MEGF8: variants seen among roughly 807,000 people sequenced by gnomAD.
MEGF8 encodes multiple EGF like domains 8, also known as multiple epidermal growth factor-like domains protein 8.
In MEGF8, 156 loss-of-function variants were observed where a neutral mutation model predicts 302.9. The observed-to-expected ratio is 0.52, with a 90% confidence interval of 0.45 to 0.59. The LOEUF is 0.59. MEGF8 is among the 20% of genes least tolerant of loss of function. MEGF8 has a pLI of 0.00. For missense variants in MEGF8, 3,345 were observed against 3,964.5 expected, an observed-to-expected ratio of 0.84 and a Z score of 4.20; for synonymous variants, 1,621 against 1,660.5, an observed-to-expected ratio of 0.98 and a Z score of 0.58.
intron 35 of MEGF8, among the ~76,000 whole-genome samples, chr19:42,365,772 T>TAAA (rs771190592): frequency 3.5e-5 from 2 of 57,652 alleles, no homozygotes. Flanking sequence ...ACCCCGTCTC[T>TAAA]AAAAAAAAAA....
At chr19:42,345,169 A>G (rs1437761004) in intron 12 of MEGF8, among the ~76,000 whole-genome samples, 1 of 152,130 alleles carries the variant, frequency 6.6e-6, no homozygotes, top group Non-Finnish European at 1.5e-5. Context: ...ACGAAGTTTC[A>G]CCATGTTGGT....
rs1447066779 is a variant in MEGF8, at chr19:42,350,287, A to G, written c.2639A>G (p.His880Arg). 2 of 1,610,216 alleles carry G rather than the reference A, an allele frequency of 1.2e-6. No individual in the cohort carries two copies. The highest frequency in any genetic ancestry group is 4.5e-5 in the East Asian group (2 of 44,894). The change falls in exon 15 of 42, where the codon CAT becomes CGT. Residue 880 changes from histidine (H) to arginine (R), a missense_variant. Coordinates refer to ENST00000251268, the MANE Select transcript of MEGF8 (RefSeq NM_001271938.2). Reference sequence around the variant, plus strand: ...TGCCACCTGCGCCAGGGCGGAGCCCATTGCGGGGATGACGGGGCTGGTGGG... The same window carrying G: ...TGCCACCTGCGCCAGGGCGGAGCCCGTTGCGGGGATGACGGGGCTGGTGGG... The part of the protein sequence containing the change: ...ATCHLRQGGA[H>R]CGDDGAGGSL...
chr19:42,341,442 A>C (rs2039213020), intron 8 of MEGF8, among the ~76,000 whole-genome samples: 1 of 151,648 alleles, frequency 6.6e-6, no homozygotes, highest in Admixed American at 6.6e-5. Context: ...AAAAAAAAAA[A>C]AAAAAAAACA....
At position 42,355,766 on chromosome 19, in the gene MEGF8, G is replaced by C. The variant is rs369352974; in HGVS notation, c.4153G>C (p.Val1385Leu). ...GGCCTCTCTCTTCACAGGGCTGCTC[G>C]TGCTGCACTGGGAGGCCAATGGCTC... ...LTVQALSGLL[V>L]LHWEANGSSS... Residue 1385 changes from valine (V) to leucine (L), a missense_variant, in exon 24 of 42, where the codon GTG becomes CTG. Physicochemically the swap from Val to Leu is conservative, Grantham distance 32. Coordinates refer to ENST00000251268, the MANE Select transcript of MEGF8 (RefSeq NM_001271938.2). 1.3e-6 allele frequency: 2 copies of C among 1,579,694 alleles called. No homozygotes were observed. The highest frequency in any genetic ancestry group is 8.6e-7 in the Non-Finnish European group (1 of 1,161,666).
Position 42,377,016 on chromosome 19 carries a change from T to C in MEGF8, c.*241T>C. On this transcript the variant is annotated 3_prime_UTR_variant, in exon 42 of 42. Transcript: ENST00000251268. Reference sequence around the variant, plus strand: ...GCAGGAACCAAGAGACGAGGTTCCCTGATCTCATGGGACTTAGGTTCTGGT... The same window carrying C: ...GCAGGAACCAAGAGACGAGGTTCCCCGATCTCATGGGACTTAGGTTCTGGT... 2.2e-6 allele frequency: 1 copy of C among 445,736 alleles called. No homozygotes were observed. The allele number at this position is 445,736 out of a possible 1,614,324, so 27.6% of individuals were successfully genotyped here. A position where few individuals can be genotyped will look rare whatever the true frequency, so the allele number is the denominator to read the frequency against.
chr19:42,376,660 A>G lies in MEGF8; in HGVS notation c.8423A>G (p.His2808Arg), dbSNP rs1159367592. The G allele has an allele frequency of 5.2e-6, 8 of 1,536,154 alleles. No individual in the cohort carries two copies. In the South Asian group the frequency reaches 7.3e-5, roughly 14 times the overall value. ...CLGSALVTLR[H>R]RLHEYCGGGG... ...GGGTCAGCCCTCGTCACACTGCGGCACAGGCTGCACGAGTACTGTGGGGGT... is the reference window on the plus strand; with the variant it reads ...GGGTCAGCCCTCGTCACACTGCGGCGCAGGCTGCACGAGTACTGTGGGGGT... The change falls in exon 42 of 42, where the codon CAC becomes CGC. Residue 2808 changes from histidine (H) to arginine (R), a missense_variant. Physicochemically the swap from His to Arg is conservative, Grantham distance 29. Coordinates refer to ENST00000251268, the MANE Select transcript of MEGF8 (RefSeq NM_001271938.2). The surrounding 1 kb of genome is among the most constrained non-coding windows in gnomAD (Gnocchi z 8.2).
rs771222674 is a variant in MEGF8, at chr19:42,336,892, G to A, written c.1330G>A (p.Gly444Ser). The change falls in exon 7 of 42, where the codon GGC becomes AGC. Residue 444 changes from glycine to serine, a missense_variant. Gly to Ser is a moderately conservative substitution (Grantham distance 56, BLOSUM62 0). Coordinates refer to ENST00000251268, the MANE Select transcript of MEGF8 (RefSeq NM_001271938.2). This position sits in a 1 kb window ranked among gnomAD's most constrained non-coding sequence, Gnocchi z 4.8. ...TTLKGRDGLQ[G>S]PRERAFHTAS... ...GCTGAAGGGGCGGGATGGGCTTCAG[G>A]GCCCAAGGGAGCGAGCCTTCCACAC... is the stretch of plus-strand genomic sequence containing the variant. 19 of 1,613,460 alleles carry A rather than the reference G, an allele frequency of 1.2e-5. No homozygotes were observed. Among genetic ancestry groups the A allele is most frequent in the Non-Finnish European group, 1.6e-5 (19 of 1,179,736 alleles).
chr19:42,368,507 G>T lies in MEGF8; in HGVS notation c.6326G>T (p.Arg2109Leu). The change falls in exon 36 of 42, where the codon CGG becomes CTG. Residue 2109 changes from arginine to leucine, a missense_variant. By Grantham distance (102) the Arg-to-Leu change is moderately radical. Transcript: ENST00000251268. This position sits in a 1 kb window ranked among gnomAD's most constrained non-coding sequence, Gnocchi z 4.9. Reference protein sequence around the residue: ...PLRCMAGGCGRLLRGPESCSL... With the variant: ...PLRCMAGGCGLLLRGPESCSL... The stretch of plus-strand genomic sequence containing the variant: ...CGATGTATGGCCGGAGGCTGTGGGC[G>T]GCTGCTCCGGGGACCTGAGAGCTGC... 6.2e-7 allele frequency: 1 copy of T among 1,609,326 alleles called. No homozygotes were observed.
chr19:42,361,130 C>CA, intron 32 of MEGF8, 124 bp downstream of exon 32: 1 of 1,060,878 alleles, frequency 9.4e-7, no homozygotes, highest in Non-Finnish European at 1.3e-6. Context: ...GGTGAATCAC[C>CA]GCAGGCAGGG....
intron 31 of MEGF8, among the ~76,000 whole-genome samples, 180 bp downstream of exon 31, chr19:42,359,422 G>C (rs1162442150): frequency 2.0e-5 from 3 of 150,726 alleles, no homozygotes; most frequent in Admixed American, 2.0e-4. Context: ...TTTTCTTAGA[G>C]AAGTTTATTT....
chr19:42,331,199 GA>G (rs1360957247), intron 1 of MEGF8, among the ~76,000 whole-genome samples: 3 of 152,328 alleles, frequency 2.0e-5, no homozygotes, highest in Admixed American at 6.5e-5. Flanking sequence ...TGGGTGGGGG[GA>G]ATTATCCCCA....
At chr19:42,364,502 G>A (rs1280704777) in intron 35 of MEGF8, among the ~76,000 whole-genome samples, 1 of 152,206 alleles carries the variant, frequency 6.6e-6, no homozygotes, top group African/African-American at 2.4e-5. Context: ...GTGCAGGGAT[G>A]TGGGACACTT....
chr19:42,367,578 CTG>C (rs1470272646), intron 35 of MEGF8, among the ~76,000 whole-genome samples: 1 of 152,146 alleles, frequency 6.6e-6, no homozygotes, highest in Non-Finnish European at 1.5e-5. Context: ...TTCTAAGAAA[CTG>C]TGGTTTGCAA....
rs1275349542 is a variant in MEGF8, at chr19:42,378,241, A to C, written c.*1466A>C. 6.6e-6 allele frequency: 1 copy of C among 152,274 alleles called. No homozygotes were observed. The highest frequency in any genetic ancestry group is 2.4e-5 in the African/African-American group (1 of 41,448). 9.4% of individuals were successfully genotyped at this position (152,274 alleles called of 1,614,324 possible). The stretch of plus-strand genomic sequence containing the variant: ...GCACCCTGAGACAGCCCAGAGGTGA[A>C]TAGGACCCCCAGGCTGCAGGGATAA... On this transcript the variant is annotated 3_prime_UTR_variant, in exon 42 of 42. Coordinates refer to ENST00000251268, the MANE Select transcript of MEGF8 (RefSeq NM_001271938.2).
In MEGF8 at chr19:42,352,575, C is replaced by A; in HGVS notation, c.3350+119C>A. On this transcript the variant is annotated intron_variant, in intron 19 of 41. Coordinates refer to ENST00000251268, the MANE Select transcript of MEGF8 (RefSeq NM_001271938.2). The surrounding 1 kb of genome is among the most constrained non-coding windows in gnomAD (Gnocchi z 4.4). ...TGTGGAACCAGCATCCCCAGTTAGC[C>A]AGGGGTTTTTACCTTGCACACTAGG... The A allele has an allele frequency of 7.4e-7, 1 of 1,344,656 alleles. No individual in the cohort carries two copies. Among genetic ancestry groups the A allele is most frequent in the Non-Finnish European group, 1.0e-6 (1 of 1,001,360 alleles). 83.3% of individuals were successfully genotyped at this position (1,344,656 alleles called of 1,614,324 possible). A position where few individuals can be genotyped will look rare whatever the true frequency, so the allele number is the denominator to read the frequency against.
chr19:42,344,324 C>T lies in MEGF8; in HGVS notation c.1789-117C>T, dbSNP rs533973006. 10 of 1,331,622 alleles carry T rather than the reference C, an allele frequency of 7.5e-6. No individual in the cohort carries two copies. Among genetic ancestry groups the T allele is most frequent in the Non-Finnish European group, 8.0e-6 (8 of 1,004,804 alleles). The allele number at this position is 1,331,622 out of a possible 1,614,324, so 82.5% of individuals were successfully genotyped here. On this transcript the variant is annotated intron_variant, in intron 10 of 41. Coordinates refer to ENST00000251268, the MANE Select transcript of MEGF8 (RefSeq NM_001271938.2). The surrounding 1 kb of genome is among the most constrained non-coding windows in gnomAD (Gnocchi z 4.5). The stretch of plus-strand genomic sequence containing the variant: ...GGATCTCCCACATTCCAAGTCAACT[C>T]CCCGTTCTTCAGTTTTTTCGCCCTT...
intron 31 of MEGF8, among the ~76,000 whole-genome samples, chr19:42,359,915 G>C (rs1189803939): frequency 8.2e-6 from 1 of 121,878 alleles, no homozygotes; most frequent in East Asian, 2.4e-4. Context: ...CGCTGGTCTT[G>C]AACTCCTGGG....
Position 42,352,644 on chromosome 19 carries a change from A to G in MEGF8, c.3350+188A>G, listed in dbSNP as rs755690374. On this transcript the variant is annotated intron_variant, in intron 19 of 41. Transcript: ENST00000251268. This position sits in a 1 kb window ranked among gnomAD's most constrained non-coding sequence, Gnocchi z 4.4. Reference sequence around the variant, plus strand: ...GGTCCCCAGTGTAACCCTGGTTACCATGGAAATGGGGCACCCATAGGCTGT... The same window carrying G: ...GGTCCCCAGTGTAACCCTGGTTACCGTGGAAATGGGGCACCCATAGGCTGT... 2.0e-5 allele frequency among the ~76,000 whole-genome samples: 3 copies of G among 152,210 alleles called. No individual in the cohort carries two copies. The highest frequency in any genetic ancestry group is 2.9e-5 in the Non-Finnish European group (2 of 68,032).
Position 42,356,991 on chromosome 19 carries a change from TCTCCCCAGCCCA to T in MEGF8, c.4830+22_4830+33del, listed in dbSNP as rs376216666. On this transcript the variant is annotated intron_variant, in intron 27 of 41. Coordinates refer to ENST00000251268, the MANE Select transcript of MEGF8 (RefSeq NM_001271938.2). The surrounding 1 kb of genome is among the most constrained non-coding windows in gnomAD (Gnocchi z 5.2). Reference sequence around the variant, plus strand: ...ATGGCGGCAGGAGAAGGTGAGCATCTCTCCCCAGCCCACTCCCCAGCCCTCACACTGGGCCCT... The same window carrying T: ...ATGGCGGCAGGAGAAGGTGAGCATCTCTCCCCAGCCCTCACACTGGGCCCT... The T allele has an allele frequency of 1.8e-5, 29 of 1,576,320 alleles. No individual in the cohort carries two copies. The highest frequency in any genetic ancestry group is 2.2e-5 in the Non-Finnish European group (26 of 1,162,212).
Sources: allele counts gnomAD v4.1 joint callset (sites outside exome capture counted in the v4.1 genomes callset), GRCh38; gene constraint gnomAD v4.1.1; non-coding constraint Gnocchi (gnomAD v3.1); transcripts MANE v1.5; gene names NCBI Gene and HGNC (gene_info 2026-07-23, HGNC 2026-07-21).